AASDH: variants seen among roughly 807,000 people sequenced by gnomAD.
The protein encoded by AASDH is beta-alanine-activating enzyme.
A neutral mutation model predicts 102.3 loss-of-function variants in AASDH; 81 were observed. That is an observed-to-expected ratio of 0.79 (90% CI 0.66 to 0.95). The LOEUF is 0.95. Among genes scored for constraint, AASDH ranks in the 40% least tolerant of loss-of-function variants. The pLI is 0.00. For missense variants in AASDH, 1,203 were observed against 1,266.2 expected (o/e 0.95, Z 0.76); for synonymous variants, 398 against 454.0 (o/e 0.88, Z 1.57).
chr4:56,362,782 A>C (rs1750465804), intron 5 of AASDH, among the ~76,000 whole-genome samples: 1 of 152,196 alleles, frequency 6.6e-6, no homozygotes, highest in African/African-American at 2.4e-5. Context: ...GAATAGGAGC[A>C]GCTCCAGTCT....
chr4:56,342,747 A>T (rs1747846185), intron 14 of AASDH, 88 bp downstream of exon 14: 9 of 472,294 alleles, frequency 1.9e-5, no homozygotes, highest in Non-Finnish European at 3.0e-6. Context: ...ATAGAACTAT[A>T]GATATATAAA....
Position 56,371,326 on chromosome 4 carries a change from C to A in AASDH, c.861+125G>T, listed in dbSNP as rs535023736. The A allele has an allele frequency of 9.1e-5, 87 of 956,750 alleles. No individual in the cohort carries two copies. In the South Asian group the frequency reaches 1.5e-3, roughly 17 times the overall value. 59.3% of individuals were successfully genotyped at this position (956,750 alleles called of 1,614,324 possible). A position where few individuals can be genotyped will look rare whatever the true frequency, so the allele number is the denominator to read the frequency against. On this transcript the variant is annotated intron_variant, in intron 5 of 14. Transcript: ENST00000205214. ...AAAAAGTCACATCCTGAGGAGACGG[C>A]CCTTGATAATCTAACCAGATTATAT...
chr4:56,353,566 A>G lies in AASDH; in HGVS notation c.1414T>C (p.Cys472Arg). ...VAEELQQVES[C>R]AVTWYNQEKL... is the part of the protein sequence containing the mutation. ...TCCTGATTATACCATGTAACTGCACAAGACTCCACTTGCTGAAGCTCTTCA... is the reference window on the plus strand; with the variant it reads ...TCCTGATTATACCATGTAACTGCACGAGACTCCACTTGCTGAAGCTCTTCA... Residue 472 changes from cysteine to arginine, a missense_variant, in exon 9 of 15, where the codon TGT (cysteine) becomes CGT (arginine). Coordinates refer to ENST00000205214, the MANE Select transcript of AASDH (RefSeq NM_181806.4). 1.2e-6 allele frequency: 2 copies of G among 1,612,518 alleles called. No individual in the cohort carries two copies. Among genetic ancestry groups the G allele is most frequent in the Non-Finnish European group, 1.7e-6 (2 of 1,179,850 alleles).
chr4:56,367,453 C>T (rs1239680231), intron 5 of AASDH, among the ~76,000 whole-genome samples: 1 of 98,714 alleles, frequency 1.0e-5, no homozygotes, highest in African/African-American at 3.7e-5. Flanking sequence ...CATCATGCTA[C>T]CTGACTTCAA....
At chr4:56,360,728 A>G (rs13117613) in intron 5 of AASDH, among the ~76,000 whole-genome samples, 9,934 of 152,260 alleles carry the variant, frequency 0.065, 444 homozygotes, top group Admixed American at 0.086. Flanking sequence ...AGATTTTTAA[A>G]TTGTTTCTCT....
chr4:56,341,591 C>T (rs143996687), intron 14 of AASDH, among the ~76,000 whole-genome samples: 1,896 of 144,206 alleles, frequency 0.013, 54 homozygotes, highest in African/African-American at 0.046. Flanking sequence ...TTAGTAGAGA[C>T]GGGGTTTCAC....
intron 9 of AASDH, among the ~76,000 whole-genome samples, chr4:56,352,453 G>A (rs558185789): frequency 6.6e-6 from 1 of 152,174 alleles, no homozygotes; most frequent in Non-Finnish European, 1.5e-5. Flanking sequence ...GAGTGCAGTG[G>A]CGCAACCTCG....
At chr4:56,350,584 A>T (rs1037704252) in intron 10 of AASDH, among the ~76,000 whole-genome samples, 3 of 152,070 alleles carry the variant, frequency 2.0e-5, no homozygotes, top group African/African-American at 7.2e-5. Flanking sequence ...AATTCACTCT[A>T]AAAGTACAAA....
chr4:56,362,932 C>T (rs999390971), intron 5 of AASDH, among the ~76,000 whole-genome samples: 2 of 152,204 alleles, frequency 1.3e-5, no homozygotes, highest in African/African-American at 4.8e-5. Flanking sequence ...GGCATCGCCT[C>T]ACCTGGGAAG....
In AASDH at chr4:56,344,248, T is replaced by C. The variant is rs940557184; in HGVS notation, c.2653-564A>G. Among the ~76,000 whole-genome samples, 5 of 152,312 alleles carry C rather than the reference T, an allele frequency of 3.3e-5. No individual in the cohort carries two copies. The South Asian group carries it at 1.0e-3, about 32-fold the overall frequency. On this transcript the variant is annotated intron_variant, in intron 12 of 14. Coordinates refer to ENST00000205214, the MANE Select transcript of AASDH (RefSeq NM_181806.4). ...ATCAAGGATATGATATTGTTACCTA[T>C]GGTCAAATCGTTTTCATTAGAGGCC...
chr4:56,378,555 CA>C (rs1752615870), intron 3 of AASDH, 91 bp from the exon 4 acceptor site: 2 of 1,132,172 alleles, frequency 1.8e-6, no homozygotes, highest in African/African-American at 1.6e-5. Flanking sequence ...AGTCATCCCT[CA>C]GTATCCTTGG....
Position 56,338,856 on chromosome 4 carries a change from T to C in AASDH, c.2908-65A>G, listed in dbSNP as rs558367321. ...AATTGCTCCAATTCTCCCTTAAAGC[T>C]CTATGAGGTTCTTAATGCAAATCTA... On this transcript the variant is annotated intron_variant, in intron 14 of 14. Transcript: ENST00000205214. The C allele has an allele frequency of 1.5e-5, 21 of 1,442,636 alleles. No homozygotes were observed. In the Admixed American group the frequency reaches 3.1e-4, roughly 21 times the overall value. The allele number at this position is 1,442,636 out of a possible 1,614,324, so 89.4% of individuals were successfully genotyped here. A position where few individuals can be genotyped will look rare whatever the true frequency, so the allele number is the denominator to read the frequency against.
chr4:56,384,380 TAGAG>T, intron 1 of AASDH, 39 bp from the exon 2 acceptor site: 1 of 1,257,706 alleles, frequency 8.0e-7, no homozygotes, highest in Non-Finnish European at 1.1e-6. Flanking sequence ...GAGGGAGTTT[TAGAG>T]AGCTCGGTGG....
intron 5 of AASDH, 126 bp from the exon 6 acceptor site, chr4:56,355,549 G>T: frequency 2.4e-6 from 2 of 825,476 alleles, no homozygotes; most frequent in Non-Finnish European, 3.6e-6. Context: ...TTTATCAAAT[G>T]GGAAATCCCA....
chr4:56,358,595 T>A (rs958135033), intron 5 of AASDH, among the ~76,000 whole-genome samples: 1 of 151,884 alleles, frequency 6.6e-6, no homozygotes, highest in Non-Finnish European at 1.5e-5. Context: ...TTTCTCTGCA[T>A]CCATTAAGAT....
rs751367190 is a variant in AASDH, at chr4:56,349,808, A to T, written c.1943T>A (p.Leu648His). Residue 648 changes from leucine to histidine, a missense_variant, in exon 11 of 15, where the codon CTC (leucine) becomes CAC (histidine). Leu to His is a moderately conservative substitution (Grantham distance 99). Coordinates refer to ENST00000205214, the MANE Select transcript of AASDH (RefSeq NM_181806.4). ...FRKSCATKRKLSDINQEEASG... is the reference protein window; with the variant it reads ...FRKSCATKRKHSDINQEEASG... ...GGCTTCCTCTTGATTAATGTCGCTG[A>T]GTTTCCTTTTTGTGGCACAACTCTT... The T allele has an allele frequency of 6.2e-6, 10 of 1,614,062 alleles. No homozygotes were observed. Among genetic ancestry groups the T allele is most frequent in the Non-Finnish European group, 8.5e-6 (10 of 1,180,040 alleles).
chr4:56,354,569 T>C, intron 7 of AASDH, 136 bp downstream of exon 7: 1 of 618,846 alleles, frequency 1.6e-6, no homozygotes. Context: ...TGGTATTTCA[T>C]GACTATATGA....
chr4:56,374,191 C>G (rs1159825939), intron 4 of AASDH, among the ~76,000 whole-genome samples: 1 of 151,944 alleles, frequency 6.6e-6, no homozygotes, highest in African/African-American at 2.4e-5. Flanking sequence ...CCAGCCTGGC[C>G]AAGATGGTGA....
At position 56,382,646 on chromosome 4, in the gene AASDH, T is replaced by C. The variant is rs369479586; in HGVS notation, c.231-49A>G. 8.9e-6 allele frequency: 14 copies of C among 1,568,654 alleles called. 1 individual carries two copies. The highest frequency in any genetic ancestry group is 1.7e-4 in the Middle Eastern group (1 of 5,974). ...GCATAGAATGTCTGTTGATTTAGTA[T>C]TTGTTTAAGCATTTCTATTTCTCTA... On this transcript the variant is annotated intron_variant, in intron 2 of 14. Coordinates refer to ENST00000205214, the MANE Select transcript of AASDH (RefSeq NM_181806.4).
Sources: allele counts gnomAD v4.1 joint callset (sites outside exome capture counted in the v4.1 genomes callset), GRCh38; gene constraint gnomAD v4.1.1; transcripts MANE v1.5; gene names NCBI Gene and HGNC (gene_info 2026-07-23, HGNC 2026-07-21).